SLC44A1: variants seen among roughly 807,000 people sequenced by gnomAD.
The protein encoded by SLC44A1 is choline transporter-like protein 1.
Under a neutral mutation model 79.3 loss-of-function variants are expected in SLC44A1, and 26 were observed. The ratio of observed to expected loss-of-function variants is 0.33; its 90% CI spans 0.24 to 0.46. The LOEUF is 0.46. Ranked by LOEUF, SLC44A1 falls within the 20% of genes least tolerant of loss-of-function variation. The probability of loss-of-function intolerance (pLI) is 1.00; values close to 1 mark genes in which losing one functional copy is unlikely to be tolerated. For missense variants in SLC44A1, 688 were observed against 798.1 expected, an observed-to-expected ratio of 0.86 and a Z score of 1.66; for synonymous variants, 263 against 286.2, an observed-to-expected ratio of 0.92 and a Z score of 0.82.
chr9:105,384,988 A>G (rs932754289), intron 14 of SLC44A1, among the ~76,000 whole-genome samples: 7 of 152,192 alleles, frequency 4.6e-5, no homozygotes, highest in African/African-American at 1.7e-4. Flanking sequence ...AGCAGTATCA[A>G]TGTGTTCTTT....
chr9:105,269,353 A>G (rs1427413187), intron 1 of SLC44A1, among the ~76,000 whole-genome samples: 1 of 152,150 alleles, frequency 6.6e-6, no homozygotes, highest in Non-Finnish European at 1.5e-5. Context: ...TCTTTTCTCA[A>G]GACCATTCTG....
At chr9:105,249,703 T>TC (rs1416905078) in intron 1 of SLC44A1, among the ~76,000 whole-genome samples, 12 of 150,166 alleles carry the variant, frequency 8.0e-5, no homozygotes, top group Admixed American at 2.0e-4. Flanking sequence ...TTTTTTTTTT[T>TC]TTTGTATTTT....
intron 3 of SLC44A1, among the ~76,000 whole-genome samples, chr9:105,320,646 G>A (rs1219628721): frequency 6.7e-6 from 1 of 148,780 alleles, no homozygotes; most frequent in Non-Finnish European, 1.5e-5. Flanking sequence ...CTATTTATTG[G>A]CATGATTATA....
chr9:105,299,847 G>A, intron 2 of SLC44A1: 1 of 986,782 alleles, frequency 1.0e-6, no homozygotes, highest in Non-Finnish European at 1.2e-6. Context: ...TGTGTCTGCT[G>A]TAATGAGTGG....
At chr9:105,360,436 G>A (rs764530601) in intron 7 of SLC44A1, among the ~76,000 whole-genome samples, 4 of 152,100 alleles carry the variant, frequency 2.6e-5, no homozygotes, top group Non-Finnish European at 5.9e-5. Flanking sequence ...TGAACAGCAA[G>A]AGTAAGAACT....
intron 15 of SLC44A1, among the ~76,000 whole-genome samples, chr9:105,421,977 C>T (rs1424933291): frequency 1.3e-5 from 2 of 152,152 alleles, no homozygotes; most frequent in African/African-American, 4.8e-5. Flanking sequence ...AAGTTCGGAC[C>T]TCTGGTAGAA....
chr9:105,429,725 G>C (rs1326193734), intron 15 of SLC44A1, among the ~76,000 whole-genome samples: 1 of 152,102 alleles, frequency 6.6e-6, no homozygotes, highest in Non-Finnish European at 1.5e-5. Flanking sequence ...CCAAGATTTA[G>C]AATTTATTGC....
At position 105,362,821 on chromosome 9, in the gene SLC44A1, G is replaced by T. The variant is rs570006425; in HGVS notation, c.901G>T (p.Val301Leu). The change falls in exon 9 of 16, where the codon GTG becomes TTG. Residue 301 changes from valine (V) to leucine (L), a missense_variant and splice_region_variant. Coordinates refer to ENST00000374720, the MANE Select transcript of SLC44A1 (RefSeq NM_080546.5). Reference sequence around the variant, plus strand: ...AACTGAAACCATTCTCTCCATACAGGTGATCTTATTCCTGATAATGTTGGT... The same window carrying T: ...AACTGAAACCATTCTCTCCATACAGTTGATCTTATTCCTGATAATGTTGGT... ...IYAISATVFT[V>L]ILFLIMLVMR... 1 of 1,588,970 alleles carries T rather than the reference G, an allele frequency of 6.3e-7. No individual in the cohort carries two copies. Among genetic ancestry groups the T allele is most frequent in the Non-Finnish European group, 8.6e-7 (1 of 1,169,104 alleles).
At chr9:105,353,989 G>T (rs1255921651) in intron 5 of SLC44A1, among the ~76,000 whole-genome samples, 3 of 148,234 alleles carry the variant, frequency 2.0e-5, no homozygotes, top group Admixed American at 2.0e-4. Context: ...TCAGTTTAAA[G>T]GTTTCTGTCA....
intron 3 of SLC44A1, among the ~76,000 whole-genome samples, chr9:105,318,549 A>G (rs1395487086): frequency 1.3e-5 from 2 of 152,182 alleles, no homozygotes; most frequent in African/African-American, 4.8e-5. Flanking sequence ...GACGCTAACT[A>G]AATTTTCAGA....
At chr9:105,281,475 A>G (rs1374901911) in intron 1 of SLC44A1, among the ~76,000 whole-genome samples, 1 of 152,192 alleles carries the variant, frequency 6.6e-6, no homozygotes, top group African/African-American at 2.4e-5. Context: ...AGGCAGTGGT[A>G]GTATATGAAT....
intron 6 of SLC44A1, 93 bp from the exon 7 acceptor site, chr9:105,358,251 C>A: frequency 2.8e-6 from 2 of 719,176 alleles, no homozygotes; most frequent in Non-Finnish European, 4.8e-6. Flanking sequence ...CAGATTATTT[C>A]CCTGGGGAAA....
At chr9:105,282,597 G>A (rs1830380627) in intron 1 of SLC44A1, among the ~76,000 whole-genome samples, 2 of 151,930 alleles carry the variant, frequency 1.3e-5, no homozygotes. Context: ...CAGCCAGGCT[G>A]GAGTGCAGTG....
At chr9:105,366,252 T>C (rs1347903464) in intron 11 of SLC44A1, 94 bp from the exon 12 acceptor site, 9 of 585,398 alleles carry the variant, frequency 1.5e-5, no homozygotes, top group Middle Eastern at 2.9e-4. Context: ...ATTGTGATTT[T>C]TAAATTTTTA....
intron 15 of SLC44A1, among the ~76,000 whole-genome samples, chr9:105,431,531 C>A (rs1829393408): frequency 6.6e-6 from 1 of 152,160 alleles, no homozygotes; most frequent in South Asian, 2.1e-4. Flanking sequence ...CACTAACTGG[C>A]CCATGCTGCT....
At chr9:105,400,308 G>A (rs1309218625), downstream of SLC44A1, among the ~76,000 whole-genome samples, 2 of 151,956 alleles carry the variant, frequency 1.3e-5, no homozygotes, top group African/African-American at 4.8e-5. Context: ...GGCCAACATG[G>A]TGAAACCCCG....
chr9:105,302,768 T>C (rs879693552), intron 2 of SLC44A1, among the ~76,000 whole-genome samples: 8 of 151,816 alleles, frequency 5.3e-5, no homozygotes, highest in Non-Finnish European at 1.0e-4. Flanking sequence ...TGAGACCCAC[T>C]ATTATAGGCA....
chr9:105,410,479 A>T lies in SLC44A1; in HGVS notation c.1950+24977A>T, dbSNP rs186961464. 2.0e-5 allele frequency among the ~76,000 whole-genome samples: 3 copies of T among 152,326 alleles called. No homozygotes were observed. In the East Asian group the frequency reaches 5.8e-4, roughly 29 times the overall value. On this transcript the variant is annotated intron_variant, in intron 15 of 15. Coordinates refer to the SLC44A1 transcript ENST00000374724. ...CCATGAAGCACATAAAGAGATGCTC[A>T]ATGTCATTAGGGAATTGCAAATCAA...
At chr9:105,334,476 G>A (rs1292407404) in intron 3 of SLC44A1, among the ~76,000 whole-genome samples, 2 of 150,264 alleles carry the variant, frequency 1.3e-5, no homozygotes, top group African/African-American at 2.5e-5. Flanking sequence ...TATATTTCCT[G>A]TTCCAGATTT....
Sources: allele counts gnomAD v4.1 joint callset (sites outside exome capture counted in the v4.1 genomes callset), GRCh38; gene constraint gnomAD v4.1.1; transcripts MANE v1.5; gene names NCBI Gene and HGNC (gene_info 2026-07-23, HGNC 2026-07-21).